TUBB8: variants seen among roughly 807,000 people sequenced by gnomAD.
TUBB8 encodes the protein tubulin beta 8 class VIII.
TUBB8 carries 25 observed loss-of-function variants against 33.7 expected under a neutral mutation model. The ratio of observed to expected loss-of-function variants is 0.74; its 90% CI spans 0.54 to 1.04. TUBB8 has a LOEUF of 1.04. TUBB8 is among the 50% of genes least tolerant of loss of function. The pLI is 0.00. For synonymous variants in TUBB8, 245 were observed against 240.1 expected, an observed-to-expected ratio of 1.02 and a Z score of -0.19; for missense variants, 279 against 608.0, an observed-to-expected ratio of 0.46 and a Z score of 5.69.
intron 1 of TUBB8, among the ~76,000 whole-genome samples, chr10:64,493 AACCCTCACCCTC>A (rs1164300749): frequency 1.1e-5 from 1 of 87,778 alleles, no homozygotes; most frequent in Non-Finnish European, 2.3e-5. Flanking sequence ...CCCTAACCCT[AACCCTCACCCTC>A]ACCCTCACCC....
intron 1 of TUBB8, among the ~76,000 whole-genome samples, chr10:70,305 TAA>T (rs1834720801): frequency 6.6e-6 from 1 of 152,140 alleles, no homozygotes; most frequent in African/African-American, 2.4e-5. Context: ...TATTATACTT[TAA>T]GTTTTAGGGT....
chr10:59,082 A>G (rs1299804192), intron 1 of TUBB8, among the ~76,000 whole-genome samples: 1 of 152,154 alleles, frequency 6.6e-6, no homozygotes, highest in Non-Finnish European at 1.5e-5. Context: ...GACTTTTATT[A>G]TGTTCAGATA....
upstream of TUBB8, among the ~76,000 whole-genome samples, chr10:76,151 A>AC (rs1834810898): frequency 6.6e-6 from 1 of 150,872 alleles, no homozygotes; most frequent in Non-Finnish European, 1.5e-5. Flanking sequence ...AAAAAAAAAA[A>AC]AAAAAAAAAC....
At chr10:46,620 T>C (rs1210886539), downstream of TUBB8, among the ~76,000 whole-genome samples, 1 of 148,026 alleles carries the variant, frequency 6.8e-6, no homozygotes, top group Non-Finnish European at 1.5e-5. Context: ...GGCCAGCTGG[T>C]CCCCTAGAAG....
chr10:46,868 AAAG>A (rs572697851), downstream of TUBB8: 1,707 of 496,306 alleles, frequency 3.4e-3, 19 homozygotes, highest in African/African-American at 0.032. Context: ...GGGCCCATAG[AAAG>A]AAGATGGAGG....
At chr10:50,029 G>A (rs1834446341), upstream of TUBB8, 1 of 155,268 alleles carries the variant, frequency 6.4e-6, no homozygotes, top group South Asian at 2.0e-4. Flanking sequence ...ACCAGTGAAG[G>A]TGTCAGTAAG....
At chr10:74,650 AAG>A (rs1834785928), upstream of TUBB8, among the ~76,000 whole-genome samples, 1 of 150,508 alleles carries the variant, frequency 6.6e-6, no homozygotes, top group Non-Finnish European at 1.5e-5. Flanking sequence ...AAAAGAAAGA[AAG>A]AAAAAGAAAA....
At chr10:65,345 C>T (rs1395495987) in intron 1 of TUBB8, among the ~76,000 whole-genome samples, 4 of 152,188 alleles carry the variant, frequency 2.6e-5, no homozygotes, top group South Asian at 2.1e-4. Context: ...CAATCCCATC[C>T]GCAATTTAAT....
At chr10:58,131 A>G (rs1834556357) in intron 1 of TUBB8, among the ~76,000 whole-genome samples, 1 of 152,260 alleles carries the variant, frequency 6.6e-6, no homozygotes, top group Non-Finnish European at 1.5e-5. Flanking sequence ...ACAAAAATTC[A>G]GCCAACCACT....
upstream of TUBB8, chr10:49,602 C>A: frequency 1.9e-6 from 1 of 520,354 alleles, no homozygotes; most frequent in Non-Finnish European, 3.7e-6. Context: ...GCACGGAGTG[C>A]CTTTGCACCT....
chr10:59,234 G>A (rs1834568512), intron 1 of TUBB8, among the ~76,000 whole-genome samples: 1 of 152,104 alleles, frequency 6.6e-6, no homozygotes, highest in African/African-American at 2.4e-5. Context: ...TGTCACCCAG[G>A]CTGGAGTGCA....
chr10:62,160 C>G (rs1349219759), intron 1 of TUBB8, among the ~76,000 whole-genome samples: 1 of 152,166 alleles, frequency 6.6e-6, no homozygotes, highest in Non-Finnish European at 1.5e-5. Flanking sequence ...CTTTTGTCCT[C>G]TCATCGTTCT....
chr10:56,010 T>A (rs1834525916), intron 1 of TUBB8, among the ~76,000 whole-genome samples: 1 of 152,258 alleles, frequency 6.6e-6, no homozygotes, highest in South Asian at 2.1e-4. Flanking sequence ...TTTTTTCTAT[T>A]TCTGTGAGGA....
chr10:52,924 G>T (rs1834486689), upstream of TUBB8, among the ~76,000 whole-genome samples: 1 of 152,142 alleles, frequency 6.6e-6, no homozygotes, highest in Non-Finnish European at 1.5e-5. Context: ...ACTCCTCAAG[G>T]AGAAAATGTA....
At chr10:49,017 C>T in intron 1 of TUBB8, 105 bp from the exon 2 acceptor site, 1 of 1,236,430 alleles carries the variant, frequency 8.1e-7, no homozygotes, top group Non-Finnish European at 1.1e-6. Flanking sequence ...CTAGGCCGCC[C>T]TGTCCCTGGG....
chr10:50,235 T>C (rs1380830941), upstream of TUBB8: 1 of 152,212 alleles, frequency 6.6e-6, no homozygotes, highest in Non-Finnish European at 1.5e-5. Flanking sequence ...GATTTACCCC[T>C]ATAAACAAAT....
At chr10:69,994 A>T (rs1458033168) in intron 1 of TUBB8, among the ~76,000 whole-genome samples, 2 of 152,102 alleles carry the variant, frequency 1.3e-5, no homozygotes, top group Non-Finnish European at 2.9e-5. Context: ...TTGTGAAATA[A>T]ATTTAACCAA....
upstream of TUBB8, among the ~76,000 whole-genome samples, chr10:52,440 A>G (rs1834480415): frequency 6.6e-6 from 1 of 152,254 alleles, no homozygotes; most frequent in African/African-American, 2.4e-5. Flanking sequence ...CAGAGAGCAC[A>G]GTGAAAGAAG....
At chr10:74,097 AC>A (rs1177569964) in exon 1 of TUBB8, 3 of 148,408 alleles carry the variant, frequency 2.0e-5, no homozygotes, top group South Asian at 2.2e-4. Flanking sequence ...CTCACGGTGG[AC>A]CCCCCGTCCT....
Sources: allele counts gnomAD v4.1 joint callset (sites outside exome capture counted in the v4.1 genomes callset), GRCh38; gene constraint gnomAD v4.1.1; transcripts MANE v1.5; gene names NCBI Gene and HGNC (gene_info 2026-07-23, HGNC 2026-07-21).